NRXN1: variants seen among roughly 807,000 people sequenced by gnomAD.
NRXN1 encodes the protein neurexin-1.
In NRXN1, 39 loss-of-function variants were observed where a neutral mutation model predicts 150.9. The ratio of observed to expected loss-of-function variants is 0.26; its 90% CI spans 0.20 to 0.34. The LOEUF (loss-of-function observed/expected upper bound fraction) is 0.34. Among genes scored for constraint, NRXN1 ranks in the 10% least tolerant of loss-of-function variants. The probability of loss-of-function intolerance (pLI) is 1.00; values close to 1 mark genes in which losing one functional copy is unlikely to be tolerated. For missense variants in NRXN1, 1,815 were observed against 1,949.9 expected (o/e 0.93, Z 1.30); for synonymous variants, 924 against 757.0 (o/e 1.22, Z -3.62).
Position 50,884,539 on chromosome 2 carries a change from C to T in NRXN1, c.832+37330G>A, listed in dbSNP as rs527267370. On this transcript the variant is annotated intron_variant, in intron 5 of 22. Coordinates refer to ENST00000401669, the MANE Select transcript of NRXN1 (RefSeq NM_001330078.2). ...AGTGGAAATTAGACTAAATATCTTA[C>T]TAGAGATCATGTATTCATGTTTTGC... Among the ~76,000 whole-genome samples the T allele has an allele frequency of 1.1e-3, 165 of 151,764 alleles. 1 individual carries two copies. Among genetic ancestry groups the T allele is most frequent in the Non-Finnish European group, 1.7e-3 (116 of 67,772 alleles).
chr2:50,526,605 C>T (rs2092958604), intron 12 of NRXN1: 1 of 152,176 alleles, frequency 6.6e-6, no homozygotes, highest in South Asian at 2.1e-4. Flanking sequence ...AAATTCCTCC[C>T]TTTCCTCAAA....
intron 15 of NRXN1, among the ~76,000 whole-genome samples, chr2:50,477,524 T>C (rs1345004802): frequency 1.3e-5 from 2 of 152,098 alleles, no homozygotes; most frequent in Non-Finnish European, 2.9e-5. Flanking sequence ...TCACTTAAAA[T>C]AGGAAGCATA....
intron 17 of NRXN1, among the ~76,000 whole-genome samples, chr2:50,411,978 C>G (rs931057564): frequency 6.6e-6 from 1 of 152,168 alleles, no homozygotes; most frequent in Non-Finnish European, 1.5e-5. Flanking sequence ...AAGAAAAATT[C>G]TTCTGCCTTG....
At chr2:50,326,030 A>T (rs1243882636) in intron 17 of NRXN1, among the ~76,000 whole-genome samples, 1 of 152,228 alleles carries the variant, frequency 6.6e-6, no homozygotes, top group Non-Finnish European at 1.5e-5. Context: ...TTTTTTAAAA[A>T]GAAGTTCAAA....
At chr2:50,949,356 C>A (rs1486320381) in intron 2 of NRXN1, among the ~76,000 whole-genome samples, 4 of 151,964 alleles carry the variant, frequency 2.6e-5, no homozygotes, top group African/African-American at 9.7e-5. Flanking sequence ...CATATCAATT[C>A]TGATGTTTCC....
intron 5 of NRXN1, among the ~76,000 whole-genome samples, chr2:50,645,155 C>T (rs1425494648): frequency 1.3e-5 from 2 of 151,842 alleles, no homozygotes; most frequent in Admixed American, 6.6e-5. Flanking sequence ...CAGCATCTGG[C>T]TGGAACAGAG....
At chr2:50,120,639 T>A (rs1256561612) in intron 18 of NRXN1, among the ~76,000 whole-genome samples, 1 of 152,212 alleles carries the variant, frequency 6.6e-6, no homozygotes, top group African/African-American at 2.4e-5. Flanking sequence ...CATTAAAGTA[T>A]AAAAATTAAG....
chr2:50,384,782 A>G (rs13430295), intron 17 of NRXN1, among the ~76,000 whole-genome samples: 35,933 of 152,016 alleles, frequency 0.24, 4,651 homozygotes, highest in East Asian at 0.45. Context: ...AGCCACATAC[A>G]ACCCTGTCTT....
At chr2:50,981,843 ATGTGTG>A (rs1053795330) in intron 2 of NRXN1, among the ~76,000 whole-genome samples, 6 of 142,498 alleles carry the variant, frequency 4.2e-5, no homozygotes, top group Middle Eastern at 3.4e-3. Context: ...GTGTGTGTGT[ATGTGTG>A]TGTGTGTGTG....
intron 3 of NRXN1, among the ~76,000 whole-genome samples, chr2:50,925,558 G>A (rs547404477): frequency 2.8e-4 from 43 of 151,894 alleles, no homozygotes; most frequent in African/African-American, 9.4e-4. Context: ...TGCCAGAATA[G>A]AATAAGTCAT....
In NRXN1 at chr2:49,922,172, A is replaced by G. The variant is rs200766693; in HGVS notation, c.4296T>C (p.Gly1432=). The G allele has an allele frequency of 2.5e-6, 4 of 1,613,898 alleles. No individual in the cohort carries two copies. The highest frequency in any genetic ancestry group is 2.5e-6 in the Non-Finnish European group (3 of 1,180,004). The change falls in exon 23 of 23, where the codon GGT becomes GGC. Residue 1432 remains glycine (G), a synonymous_variant. Transcript: ENST00000401669. ...EVIRESSSTT[G]MVVGIVAAAA... Reference sequence around the variant, plus strand: ...CAGCGGCTACTATCCCAACGACCATACCCGTGGTGCTGCTGGACTCCCGGA... The same window carrying G: ...CAGCGGCTACTATCCCAACGACCATGCCCGTGGTGCTGCTGGACTCCCGGA...
At chr2:49,951,246 A>T (rs976867856) in intron 21 of NRXN1, among the ~76,000 whole-genome samples, 19 of 152,006 alleles carry the variant, frequency 1.2e-4, no homozygotes, top group Non-Finnish European at 2.5e-4. Context: ...TAATCAAAAA[A>T]TAACATATTT....
At chr2:50,771,144 G>C (rs1702966551) in intron 5 of NRXN1, among the ~76,000 whole-genome samples, 2 of 152,054 alleles carry the variant, frequency 1.3e-5, no homozygotes, top group Non-Finnish European at 2.9e-5. Flanking sequence ...GTACTGAAGA[G>C]AGTGCCTGGA....
At chr2:50,708,063 T>C (rs1348346906) in intron 5 of NRXN1, among the ~76,000 whole-genome samples, 1 of 152,192 alleles carries the variant, frequency 6.6e-6, no homozygotes, top group Admixed American at 6.5e-5. Context: ...TATGTAGGAA[T>C]AGAATACTCA....
At chr2:51,013,163 T>G (rs1479981581) in intron 2 of NRXN1, among the ~76,000 whole-genome samples, 2 of 152,006 alleles carry the variant, frequency 1.3e-5, no homozygotes, top group African/African-American at 4.8e-5. Context: ...GAGTCTGCAA[T>G]ACAGGCAGCG....
At chr2:50,474,892 T>C (rs1272662704) in intron 15 of NRXN1, among the ~76,000 whole-genome samples, 2 of 136,594 alleles carry the variant, frequency 1.5e-5, no homozygotes, top group Non-Finnish European at 3.1e-5. Flanking sequence ...TATTTAGATA[T>C]GACACAAGAA....
chr2:50,089,750 T>C (rs1699302458), intron 19 of NRXN1, among the ~76,000 whole-genome samples: 1 of 149,930 alleles, frequency 6.7e-6, no homozygotes. Context: ...TGACTGCCAC[T>C]ACATCCAGTC....
intron 21 of NRXN1, among the ~76,000 whole-genome samples, chr2:49,980,625 A>G (rs1420632787): frequency 6.6e-6 from 1 of 152,148 alleles, no homozygotes; most frequent in Non-Finnish European, 1.5e-5. Context: ...AGCAAGGAAG[A>G]TTAATGTGCA....
At chr2:50,434,334 G>T (rs1572957851) in intron 17 of NRXN1, among the ~76,000 whole-genome samples, 1 of 151,618 alleles carries the variant, frequency 6.6e-6, no homozygotes, top group Non-Finnish European at 1.5e-5. Context: ...CGCCTACCTC[G>T]GCCTCCCACA....
Sources: gnomAD v4.1 joint callset for allele counts (sites outside exome capture counted in the v4.1 genomes callset) on GRCh38, gnomAD v4.1.1 for gene constraint, MANE v1.5 for transcripts, NCBI Gene and HGNC (gene_info 2026-07-23, HGNC 2026-07-21) for gene names.